GTF2F2: variants seen among roughly 807,000 people sequenced by gnomAD.
The protein encoded by GTF2F2 is general transcription factor IIF subunit 2, also known as ATP-dependent helicase GTF2F2.
GTF2F2 carries 23 observed loss-of-function variants against 42.2 expected under a neutral mutation model. The ratio of observed to expected loss-of-function variants is 0.55; its 90% CI spans 0.39 to 0.77. The LOEUF (loss-of-function observed/expected upper bound fraction) is 0.77. Among genes scored for constraint, GTF2F2 ranks in the 30% least tolerant of loss-of-function variants. GTF2F2 has a pLI of 0.00. For missense variants in GTF2F2, 261 were observed against 287.2 expected, an observed-to-expected ratio of 0.91 and a Z score of 0.66; for synonymous variants, 105 against 100.8, an observed-to-expected ratio of 1.04 and a Z score of -0.25.
At chr13:45,266,635 T>C (rs1463052429) in intron 6 of GTF2F2, among the ~76,000 whole-genome samples, 1 of 152,234 alleles carries the variant, frequency 6.6e-6, no homozygotes, top group African/African-American at 2.4e-5. Flanking sequence ...TTAACCGCAC[T>C]GAATTGATAC....
At chr13:45,177,963 C>A (rs972208373) in intron 4 of GTF2F2, among the ~76,000 whole-genome samples, 1 of 152,040 alleles carries the variant, frequency 6.6e-6, no homozygotes, top group Non-Finnish European at 1.5e-5. Flanking sequence ...TGAGTATATA[C>A]AAATTTTTTT....
intron 5 of GTF2F2, among the ~76,000 whole-genome samples, chr13:45,236,024 C>A (rs77872963): frequency 0.045 from 6,794 of 152,254 alleles, 209 homozygotes; most frequent in Non-Finnish European, 0.069. Flanking sequence ...TTGTAGTAGT[C>A]TTGTGCCTGA....
intron 5 of GTF2F2, among the ~76,000 whole-genome samples, chr13:45,232,201 A>G (rs1421471161): frequency 1.3e-5 from 2 of 152,218 alleles, no homozygotes; most frequent in African/African-American, 4.8e-5. Flanking sequence ...TCTAACCTAA[A>G]CATTTTTAGG....
At chr13:45,210,628 G>T (rs7319221) in intron 5 of GTF2F2, among the ~76,000 whole-genome samples, 1 of 151,966 alleles carries the variant, frequency 6.6e-6, no homozygotes, top group Non-Finnish European at 1.5e-5. Flanking sequence ...TGTGCATGTC[G>T]ATTTGGCTCA....
chr13:45,168,906 T>TCCCTCCCTCCTTC lies in GTF2F2; in HGVS notation c.304+17077_304+17078insCTCCCTCCTTCCC, dbSNP rs145117805. 3.4e-5 allele frequency among the ~76,000 whole-genome samples: 3 copies of TCCCTCCCTCCTTC among 87,340 alleles called. No homozygotes were observed. In the East Asian group the frequency reaches 1.1e-3, roughly 32 times the overall value. The allele number at this position is 87,340 out of a possible 152,430, so 57.3% of individuals were successfully genotyped here. ...TTCCCTCCCTCCCTCCCTCCCTCCCTCCTCCTTCCTTCCCTCCCTCCCTCC... is the reference window on the plus strand; with the variant it reads ...TTCCCTCCCTCCCTCCCTCCCTCCCTCCCTCCCTCCTTCCCTCCTTCCTTCCCTCCCTCCCTCC... On this transcript the variant is annotated intron_variant, in intron 4 of 7. Transcript: ENST00000340473.
chr13:45,170,895 A>T (rs933570990), intron 4 of GTF2F2, among the ~76,000 whole-genome samples: 4 of 152,092 alleles, frequency 2.6e-5, no homozygotes, highest in African/African-American at 9.7e-5. Context: ...GATCTGTCAT[A>T]CTGGGAGGGT....
chr13:45,149,450 A>T (rs1169373929), intron 2 of GTF2F2, among the ~76,000 whole-genome samples: 2 of 146,164 alleles, frequency 1.4e-5, no homozygotes, highest in Non-Finnish European at 3.0e-5. Flanking sequence ...AAAAAAAAAA[A>T]GGGAAAAAGA....
intron 4 of GTF2F2, among the ~76,000 whole-genome samples, chr13:45,171,069 C>CTTT (rs908914894): frequency 2.5e-4 from 24 of 94,242 alleles, no homozygotes; most frequent in Non-Finnish European, 3.3e-4. Flanking sequence ...AAAACCCTAT[C>CTTT]TTTTTTTTTT....
intron 2 of GTF2F2, among the ~76,000 whole-genome samples, chr13:45,144,732 A>G (rs1306923888): frequency 6.6e-6 from 1 of 152,102 alleles, no homozygotes; most frequent in Non-Finnish European, 1.5e-5. Flanking sequence ...ATTTCTAAAC[A>G]TGTTTAACAT....
intron 4 of GTF2F2, among the ~76,000 whole-genome samples, chr13:45,178,767 C>A (rs549733218): frequency 1.3e-5 from 2 of 152,098 alleles, no homozygotes; most frequent in Non-Finnish European, 2.9e-5. Flanking sequence ...AAACTGGGGC[C>A]TTAAAACAAC....
At chr13:45,129,927 A>G (rs1028816229) in intron 1 of GTF2F2, among the ~76,000 whole-genome samples, 1 of 152,256 alleles carries the variant, frequency 6.6e-6, no homozygotes, top group African/African-American at 2.4e-5. Flanking sequence ...TAAAGAATTT[A>G]TGGGCTTGCC....
Position 45,160,146 on chromosome 13 carries a change from A to C in GTF2F2, c.304+8315A>C, listed in dbSNP as rs144425238. On this transcript the variant is annotated intron_variant, in intron 4 of 7. Coordinates refer to ENST00000340473, the MANE Select transcript of GTF2F2 (RefSeq NM_004128.3). ...TATGTGCTAACATTTTTATTTAAAA[A>C]TCGATTTTCCAAAAAAATAGTGGGA... 9.0e-3 allele frequency among the ~76,000 whole-genome samples: 1,368 copies of C among 152,308 alleles called. 29 individuals are homozygous for C. Among genetic ancestry groups the C allele is most frequent in the African/African-American group, 0.031 (1,306 of 41,570 alleles).
At position 45,243,268 on chromosome 13, in the gene GTF2F2, A is replaced by G. The variant is rs138900260; in HGVS notation, c.387-9603A>G. Among the ~76,000 whole-genome samples the G allele has an allele frequency of 3.0e-4, 45 of 152,290 alleles. No homozygotes were observed. The East Asian group carries it at 5.0e-3, about 17-fold the overall frequency. On this transcript the variant is annotated intron_variant, in intron 5 of 7. Transcript: ENST00000340473. The stretch of plus-strand genomic sequence containing the variant: ...GCATACTGGTCCGTGCCTGTTAGGA[A>G]CCAGGCCAAACAGGTGGAGTGAGCA...
At chr13:45,187,618 G>A (rs1223806031) in intron 4 of GTF2F2, among the ~76,000 whole-genome samples, 2 of 152,116 alleles carry the variant, frequency 1.3e-5, no homozygotes, top group Non-Finnish European at 2.9e-5. Flanking sequence ...GGTGTTTGTT[G>A]ACAGAAACAA....
At chr13:45,191,230 T>TATAA (rs1294425169) in intron 4 of GTF2F2, among the ~76,000 whole-genome samples, 2 of 94,042 alleles carry the variant, frequency 2.1e-5, no homozygotes, top group Non-Finnish European at 4.3e-5. Flanking sequence ...AAAAAATATA[T>TATAA]ATATATATAT....
chr13:45,278,732 C>T (rs763038425), intron 7 of GTF2F2, among the ~76,000 whole-genome samples: 30 of 151,668 alleles, frequency 2.0e-4, no homozygotes, highest in Non-Finnish European at 8.8e-5. Context: ...TGTTAGGTGC[C>T]CCCTTCTCAG....
At chr13:45,143,902 C>T (rs1870057081) in intron 2 of GTF2F2, among the ~76,000 whole-genome samples, 1 of 152,082 alleles carries the variant, frequency 6.6e-6, no homozygotes, top group Non-Finnish European at 1.5e-5. Context: ...AACCAATGTA[C>T]CTGGATTATT....
intron 6 of GTF2F2, among the ~76,000 whole-genome samples, chr13:45,253,294 C>A (rs1177399546): frequency 6.6e-6 from 1 of 152,080 alleles, no homozygotes; most frequent in Non-Finnish European, 1.5e-5. Context: ...AATGTACTAA[C>A]TAAATATTAG....
At chr13:45,279,189 C>CT (rs1566160647) in intron 7 of GTF2F2, among the ~76,000 whole-genome samples, 1 of 152,150 alleles carries the variant, frequency 6.6e-6, no homozygotes, top group Non-Finnish European at 1.5e-5. Context: ...GAGAGGAAGA[C>CT]TGAGTGTCTA....
Sources: allele counts gnomAD v4.1 joint callset (sites outside exome capture counted in the v4.1 genomes callset), GRCh38; gene constraint gnomAD v4.1.1; transcripts MANE v1.5; gene names NCBI Gene and HGNC (gene_info 2026-07-23, HGNC 2026-07-21).